Variants in LMTK2 observed in about 807,000 individuals in gnomAD.
LMTK2 encodes the protein lemur tail kinase 2.
A neutral mutation model predicts 127.5 loss-of-function variants in LMTK2; 37 were observed. The ratio of observed to expected loss-of-function variants is 0.29; its 90% CI spans 0.22 to 0.38. The LOEUF is 0.38. LMTK2 is among the 10% of genes least tolerant of loss of function. The probability of loss-of-function intolerance (pLI) is 1.00; values close to 1 mark genes in which losing one functional copy is unlikely to be tolerated. For synonymous variants in LMTK2, 819 were observed against 810.1 expected (o/e 1.01, Z -0.19); for missense variants, 1,694 against 1,920.3 (o/e 0.88, Z 2.20).
Position 98,192,263 on chromosome 7 carries a change from T to G in LMTK2, c.1798T>G (p.Ser600Ala). The G allele has an allele frequency of 6.5e-7, 1 of 1,529,606 alleles. No homozygotes were observed. The highest frequency in any genetic ancestry group is 8.7e-7 in the Non-Finnish European group (1 of 1,143,910). The allele number at this position is 1,529,606 out of a possible 1,614,324, so 94.8% of individuals were successfully genotyped here. A position where few individuals can be genotyped will look rare whatever the true frequency, so the allele number is the denominator to read the frequency against. Reference sequence around the variant, plus strand: ...GCTCAGGAGCGTTGAACTTGAGGAGTCCAGTACAGATGAGGACTTCTTCCA... The same window carrying G: ...GCTCAGGAGCGTTGAACTTGAGGAGGCCAGTACAGATGAGGACTTCTTCCA... ...TALRSVELEE[S>A]STDEDFFQSS... The change falls in exon 11 of 14, where the codon TCC (serine) becomes GCC (alanine). Residue 600 changes from serine (S) to alanine (A), a missense_variant. Ser to Ala is a moderately conservative substitution (Grantham distance 99). Coordinates refer to ENST00000297293, the MANE Select transcript of LMTK2 (RefSeq NM_014916.4).
chr7:98,168,326 G>T (rs963743099), intron 6 of LMTK2, among the ~76,000 whole-genome samples: 1 of 152,190 alleles, frequency 6.6e-6, no homozygotes, highest in African/African-American at 2.4e-5. Context: ...GCCAGTGGGC[G>T]GGGGGACCAG....
At chr7:98,135,510 T>G (rs1796584258) in intron 1 of LMTK2, among the ~76,000 whole-genome samples, 1 of 151,988 alleles carries the variant, frequency 6.6e-6, no homozygotes, top group Non-Finnish European at 1.5e-5. Context: ...TTTGTAGATA[T>G]GGAGTCTCAT....
intron 11 of LMTK2, among the ~76,000 whole-genome samples, chr7:98,196,527 C>T (rs895974529): frequency 1.3e-5 from 2 of 152,270 alleles, no homozygotes; most frequent in South Asian, 2.1e-4. Flanking sequence ...CAACTGTGCT[C>T]GGTGAGCAGT....
At position 98,194,227 on chromosome 7, in the gene LMTK2, G is replaced by T; in HGVS notation, c.3762G>T (p.Pro1254=). ...DKSLSSHSEG[P]KLKEPDIEGK... is the part of the protein sequence containing the mutation. ...CCCTGTCCAGCCACTCCGAGGGCCC[G>T]AAGTTGAAGGAGCCGGACATCGAAG... Residue 1254 remains proline (P), a synonymous_variant, in exon 11 of 14, where the codon CCG becomes CCT. Coordinates refer to ENST00000297293, the MANE Select transcript of LMTK2 (RefSeq NM_014916.4). The surrounding 1 kb of genome is among the most constrained non-coding windows in gnomAD (Gnocchi z 5.4). 1 of 1,614,124 alleles carries T rather than the reference G, an allele frequency of 6.2e-7. No individual in the cohort carries two copies. The highest frequency in any genetic ancestry group is 8.5e-7 in the Non-Finnish European group (1 of 1,180,028).
In LMTK2 at chr7:98,206,824, G is replaced by A. The variant is rs1415250199; in HGVS notation, c.*1332G>A. 6.6e-6 allele frequency: 1 copy of A among 152,252 alleles called. No homozygotes were observed. Among genetic ancestry groups the A allele is most frequent in the South Asian group, 2.1e-4 (1 of 4,836 alleles). 9.4% of individuals were successfully genotyped at this position (152,252 alleles called of 1,614,324 possible). A position where few individuals can be genotyped will look rare whatever the true frequency, so the allele number is the denominator to read the frequency against. On this transcript the variant is annotated 3_prime_UTR_variant, in exon 14 of 14. Transcript: ENST00000297293. ...GGATGAGATAACACCACATCCTGCA[G>A]CTGTGAAGGGGGATGGACAAGGGAC... is the stretch of plus-strand genomic sequence containing the variant.
intron 5 of LMTK2, among the ~76,000 whole-genome samples, chr7:98,156,074 C>T (rs1339247535): frequency 6.6e-6 from 1 of 151,900 alleles, no homozygotes; most frequent in Non-Finnish European, 1.5e-5. Context: ...GACATTTCAC[C>T]GAAGAGGAGA....
intron 2 of LMTK2, among the ~76,000 whole-genome samples, chr7:98,138,578 A>G (rs934738516): frequency 9.9e-5 from 15 of 152,132 alleles, no homozygotes; most frequent in Non-Finnish European, 2.1e-4. Flanking sequence ...TAGAACCCCT[A>G]CACACACTGC....
chr7:98,115,581 G>A (rs900850189), intron 1 of LMTK2, among the ~76,000 whole-genome samples: 60 of 151,962 alleles, frequency 3.9e-4, no homozygotes, highest in Middle Eastern at 6.4e-3. Flanking sequence ...AGGCCGAGGC[G>A]GGCGGGTCAC....
rs761718715 is a variant in LMTK2 at position 98,203,715 on chromosome 7, C to T, written c.4240+9C>T. ...CTCCACCGACGAAGAAGGTATTTCA[C>T]GTCATTGTCTAGTTTTAAAGGAAAC... On this transcript the variant is annotated intron_variant, in intron 12 of 13. Coordinates refer to ENST00000297293, the MANE Select transcript of LMTK2 (RefSeq NM_014916.4). 20 of 1,612,890 alleles carry T rather than the reference C, an allele frequency of 1.2e-5. No homozygotes were observed. Among genetic ancestry groups the T allele is most frequent in the South Asian group, 2.2e-5 (2 of 91,000 alleles).
intron 7 of LMTK2, among the ~76,000 whole-genome samples, chr7:98,179,597 C>G: frequency 6.8e-6 from 1 of 147,538 alleles, no homozygotes; most frequent in African/African-American, 2.5e-5. Flanking sequence ...CTCCTTCCCT[C>G]TCTCCCTCCC....
rs1237046381 is a variant in LMTK2, at chr7:98,209,257, G to GCACC, written c.*3767_*3768insCCCA. On this transcript the variant is annotated 3_prime_UTR_variant, in exon 14 of 14. Transcript: ENST00000297293. Reference sequence around the variant, plus strand: ...CATCTATAAAGAAATTCTTAAAGATGCATTGACAGTGTTGAATTACCAACA... The same window carrying GCACC: ...CATCTATAAAGAAATTCTTAAAGATGCACCCATTGACAGTGTTGAATTACCAACA... 2 of 152,244 alleles carry GCACC rather than the reference G, an allele frequency of 1.3e-5. No homozygotes were observed. Among genetic ancestry groups the GCACC allele is most frequent in the African/African-American group, 2.4e-5 (1 of 41,472 alleles). The allele number at this position is 152,244 out of a possible 1,614,324, so 9.4% of individuals were successfully genotyped here.
rs1797599317 is a variant in LMTK2, at chr7:98,194,633, A to G, written c.4107+61A>G. On this transcript the variant is annotated intron_variant, in intron 11 of 13. Coordinates refer to ENST00000297293, the MANE Select transcript of LMTK2 (RefSeq NM_014916.4). This position sits in a 1 kb window ranked among gnomAD's most constrained non-coding sequence, Gnocchi z 5.4. Reference sequence around the variant, plus strand: ...CCATATAAGGATTCCAAAATGTGCTAGGAAATTGAGTGTGGTCTGTTTTCT... The same window carrying G: ...CCATATAAGGATTCCAAAATGTGCTGGGAAATTGAGTGTGGTCTGTTTTCT... The G allele has an allele frequency of 2.8e-6, 4 of 1,423,272 alleles. No individual in the cohort carries two copies. Among genetic ancestry groups the G allele is most frequent in the Non-Finnish European group, 3.8e-6 (4 of 1,062,566 alleles). The allele number at this position is 1,423,272 out of a possible 1,614,324, so 88.2% of individuals were successfully genotyped here.
intron 6 of LMTK2, among the ~76,000 whole-genome samples, chr7:98,167,787 CCCAGGACTGAGGA>C (rs1304981132): frequency 6.6e-6 from 1 of 152,104 alleles, no homozygotes. Context: ...GGGGAGCGCC[CCCAGGACTGAGGA>C]CCAGGACGGA....
intron 6 of LMTK2, among the ~76,000 whole-genome samples, chr7:98,167,104 A>G (rs952108133): frequency 1.1e-4 from 16 of 152,238 alleles, no homozygotes; most frequent in Admixed American, 1.3e-4. Flanking sequence ...TTCTTATTAG[A>G]TTATTAAATG....
At chr7:98,203,264 G>A (rs1797734511) in intron 11 of LMTK2, among the ~76,000 whole-genome samples, 1 of 152,216 alleles carries the variant, frequency 6.6e-6, no homozygotes, top group Admixed American at 6.5e-5. Flanking sequence ...GATTGTGGAG[G>A]AGAAGCCGAC....
At chr7:98,159,531 CA>C in intron 6 of LMTK2, 106 bp downstream of exon 6, 1 of 751,130 alleles carries the variant, frequency 1.3e-6, no homozygotes, top group East Asian at 2.6e-5. Flanking sequence ...GTCTGTCCCC[CA>C]CTTGAAGAAC....
In LMTK2 at chr7:98,152,805, G is replaced by C. The variant is rs542427955; in HGVS notation, c.450+1350G>C. ...CACTCTGGAAGTCATAGAGGGGGAA[G>C]GTGAAAGCAGGGAGGAGATGGGCTA... On this transcript the variant is annotated intron_variant, in intron 4 of 13. Coordinates refer to ENST00000297293, the MANE Select transcript of LMTK2 (RefSeq NM_014916.4). Among the ~76,000 whole-genome samples, 12 of 152,302 alleles carry C rather than the reference G, an allele frequency of 7.9e-5. No individual in the cohort carries two copies. In the East Asian group the frequency reaches 1.7e-3, roughly 22 times the overall value.
chr7:98,192,334 C>G lies in LMTK2; in HGVS notation c.1869C>G (p.His623Gln). The G allele has an allele frequency of 6.4e-7, 1 of 1,571,242 alleles. No homozygotes were observed. The highest frequency in any genetic ancestry group is 8.6e-7 in the Non-Finnish European group (1 of 1,163,408). The change falls in exon 11 of 14, where the codon CAC becomes CAG. Residue 623 changes from histidine (H) to glutamine (Q), a missense_variant. His to Gln is a conservative substitution (Grantham distance 24). Coordinates refer to ENST00000297293, the MANE Select transcript of LMTK2 (RefSeq NM_014916.4). ...ACTCTAGCTTACCAGGGGACTTACA[C>G]GTGACCAGTGGCCCCGAGAGCCCTT... ...PKDSSLPGDL[H>Q]VTSGPESPFN...
intron 7 of LMTK2, among the ~76,000 whole-genome samples, chr7:98,184,767 C>T (rs1257683325): frequency 6.6e-6 from 1 of 152,090 alleles, no homozygotes; most frequent in Admixed American, 6.5e-5. Flanking sequence ...TACAAGGAAA[C>T]AAGCCATACA....
Sources: gnomAD v4.1 joint callset for allele counts (sites outside exome capture counted in the v4.1 genomes callset) on GRCh38, gnomAD v4.1.1 for gene constraint, Gnocchi (gnomAD v3.1) non-coding constraint, MANE v1.5 for transcripts, NCBI Gene and HGNC (gene_info 2026-07-23, HGNC 2026-07-21) for gene names.